PCCA: variants seen among roughly 807,000 people sequenced by gnomAD.
PCCA encodes propionyl-CoA carboxylase alpha chain, mitochondrial.
A neutral mutation model predicts 101.3 loss-of-function variants in PCCA; 74 were observed. That is an observed-to-expected ratio of 0.73 (90% CI 0.61 to 0.89). The LOEUF (loss-of-function observed/expected upper bound fraction) is 0.89. PCCA is among the 40% of genes least tolerant of loss of function. PCCA has a pLI of 0.00. For synonymous variants in PCCA, 294 were observed against 313.6 expected (o/e 0.94, Z 0.66); for missense variants, 891 against 907.0 (o/e 0.98, Z 0.23).
At chr13:100,140,305 T>C (rs947561672) in intron 4 of PCCA, among the ~76,000 whole-genome samples, 2 of 152,224 alleles carry the variant, frequency 1.3e-5, no homozygotes, top group African/African-American at 4.8e-5. Context: ...GTTTCACTGA[T>C]TGAAGAAGAA....
At chr13:100,484,225 G>T (rs1434396854) in intron 21 of PCCA, among the ~76,000 whole-genome samples, 1 of 152,014 alleles carries the variant, frequency 6.6e-6, no homozygotes, top group African/African-American at 2.4e-5. Context: ...GTGGTCGTTT[G>T]TGTTTATGAT....
intron 19 of PCCA, among the ~76,000 whole-genome samples, chr13:100,396,160 C>T (rs1222086058): frequency 6.6e-6 from 1 of 152,118 alleles, no homozygotes; most frequent in Non-Finnish European, 1.5e-5. Context: ...ACTTAGCCTC[C>T]CTGAACCACT....
At chr13:100,339,218 GA>G (rs1271394840) in intron 17 of PCCA, among the ~76,000 whole-genome samples, 2 of 151,532 alleles carry the variant, frequency 1.3e-5, no homozygotes, top group Non-Finnish European at 1.5e-5. Flanking sequence ...AAAATGACAA[GA>G]AAAAAAAGCC....
intron 4 of PCCA, among the ~76,000 whole-genome samples, chr13:100,132,399 A>G (rs2050636945): frequency 7.5e-6 from 1 of 132,480 alleles, no homozygotes; most frequent in East Asian, 2.0e-4. Flanking sequence ...TAGCATTGTC[A>G]TTTCCACACA....
chr13:100,120,775 T>A (rs930014643), intron 4 of PCCA, among the ~76,000 whole-genome samples: 3 of 152,182 alleles, frequency 2.0e-5, no homozygotes, highest in Non-Finnish European at 2.9e-5. Flanking sequence ...AAAGCACGCT[T>A]ATTATTCTCT....
rs138339557 is a variant in PCCA at position 100,136,477 on chromosome 13, G to A, written c.301-18502G>A. Among the ~76,000 whole-genome samples the A allele has an allele frequency of 4.5e-3, 685 of 152,160 alleles. 2 individuals carry two copies. Among genetic ancestry groups the A allele is most frequent in the Non-Finnish European group, 7.6e-3 (516 of 67,992 alleles). On this transcript the variant is annotated intron_variant, in intron 4 of 23. Coordinates refer to ENST00000376285, the MANE Select transcript of PCCA (RefSeq NM_000282.4). ...CTGGGATTACAGGTGTGAGCCACGC[G>A]CCCGGCCTATAAAATTGTTCAGAAT...
intron 21 of PCCA, among the ~76,000 whole-genome samples, chr13:100,505,391 G>A (rs899180864): frequency 6.6e-6 from 1 of 152,144 alleles, no homozygotes; most frequent in African/African-American, 2.4e-5. Context: ...GGGGTCCCTC[G>A]CTGCATGCCT....
intron 21 of PCCA, among the ~76,000 whole-genome samples, chr13:100,478,246 T>A (rs2083578922): frequency 6.6e-6 from 1 of 152,208 alleles, no homozygotes. Flanking sequence ...AAGTTTTGAA[T>A]CCTCTGAGGA....
At chr13:100,264,781 G>A (rs1457379213) in intron 10 of PCCA, among the ~76,000 whole-genome samples, 8 of 152,082 alleles carry the variant, frequency 5.3e-5, no homozygotes, top group Admixed American at 5.2e-4. Context: ...GGGTACTCTG[G>A]TTGTGCTAAT....
chr13:100,100,787 CTTT>C (rs35809308), intron 1 of PCCA, among the ~76,000 whole-genome samples: 2 of 144,160 alleles, frequency 1.4e-5, no homozygotes, highest in African/African-American at 2.5e-5. Flanking sequence ...TCTACTTCTT[CTTT>C]TTTTTTTTTT....
intron 12 of PCCA, among the ~76,000 whole-genome samples, chr13:100,283,488 G>A (rs563173754): frequency 3.9e-4 from 59 of 152,274 alleles, no homozygotes; most frequent in Non-Finnish European, 7.5e-4. Context: ...GAGCGGCTAC[G>A]GGAGGCCTTA....
rs775436712 is a variant in PCCA, at chr13:100,309,792, A to T, written c.1354-41A>T. ...AAATGAATCATTTAACATAGTTCTA[A>T]ATATATATATATATTGGGTTTTTTG... On this transcript the variant is annotated intron_variant, in intron 15 of 23. Transcript: ENST00000376285. 90 of 1,187,798 alleles carry T rather than the reference A, an allele frequency of 7.6e-5. No individual in the cohort carries two copies. In the East Asian group the frequency reaches 2.0e-3, roughly 26 times the overall value. The allele number at this position is 1,187,798 out of a possible 1,614,324, so 73.6% of individuals were successfully genotyped here.
intron 4 of PCCA, among the ~76,000 whole-genome samples, chr13:100,128,124 G>T (rs1219651041): frequency 2.0e-5 from 3 of 152,114 alleles, no homozygotes; most frequent in African/African-American, 7.2e-5. Context: ...GTTTTAAATT[G>T]AGAAAATTGG....
rs879249142 is a variant in PCCA at position 100,150,877 on chromosome 13, G to A, written c.301-4102G>A. On this transcript the variant is annotated intron_variant, in intron 4 of 23. Transcript: ENST00000376285. Reference sequence around the variant, plus strand: ...CATAAGTTGCACCCTTAGGAACTGGGCGTTTTCGGCCACCACGGCAAACAC... The same window carrying A: ...CATAAGTTGCACCCTTAGGAACTGGACGTTTTCGGCCACCACGGCAAACAC... 8.3e-6 allele frequency: 13 copies of A among 1,563,882 alleles called. 1 individual carries two copies. In the South Asian group the frequency reaches 1.0e-4, roughly 12 times the overall value.
intron 19 of PCCA, among the ~76,000 whole-genome samples, chr13:100,397,636 A>T (rs1371368242): frequency 6.6e-6 from 1 of 152,130 alleles, no homozygotes; most frequent in African/African-American, 2.4e-5. Flanking sequence ...TTTAAACCTT[A>T]AAAAAAGAGA....
chr13:100,184,243 T>G (rs1226942134), intron 6 of PCCA, among the ~76,000 whole-genome samples: 1 of 152,194 alleles, frequency 6.6e-6, no homozygotes. Context: ...TCTCCTCTGC[T>G]GAAATACAGC....
At chr13:100,216,856 C>G (rs1448784549) in intron 7 of PCCA, among the ~76,000 whole-genome samples, 1 of 152,300 alleles carries the variant, frequency 6.6e-6, no homozygotes, top group South Asian at 2.1e-4. Context: ...TGCCTGTAAT[C>G]CCAGCACTTT....
chr13:100,311,115 T>A (rs2066880421), intron 16 of PCCA, among the ~76,000 whole-genome samples: 1 of 151,718 alleles, frequency 6.6e-6, no homozygotes, highest in African/African-American at 2.4e-5. Flanking sequence ...GCGTCTGTAA[T>A]CCCCGCTACT....
chr13:100,101,003 A>G (rs2047230460), intron 1 of PCCA, among the ~76,000 whole-genome samples: 1 of 151,996 alleles, frequency 6.6e-6, no homozygotes, highest in African/African-American at 2.4e-5. Context: ...GGGTTTCTCC[A>G]TGTTGGTCAG....
Sources: gnomAD v4.1 joint callset for allele counts (sites outside exome capture counted in the v4.1 genomes callset) on GRCh38, gnomAD v4.1.1 for gene constraint, MANE v1.5 for transcripts, NCBI Gene and HGNC (gene_info 2026-07-23, HGNC 2026-07-21) for gene names.